Variants in DNAH6 observed in about 807,000 individuals in gnomAD.
DNAH6 encodes the protein axonemal beta dynein heavy chain 6.
DNAH6 carries 340 observed loss-of-function variants against 491.4 expected under a neutral mutation model. The observed-to-expected ratio is 0.69, with a 90% CI of 0.63 to 0.76. The LOEUF is 0.76. DNAH6 is among the 30% of genes least tolerant of loss of function. The probability of loss-of-function intolerance (pLI) is 0.00; values close to 1 mark genes in which losing one functional copy is unlikely to be tolerated. For missense variants in DNAH6, 4,443 were observed against 4,972.2 expected (o/e 0.89, Z 3.20); for synonymous variants, 1,603 against 1,686.1 (o/e 0.95, Z 1.21).
intron 64 of DNAH6, chr2:84,777,964 A>G: frequency 1.1e-6 from 1 of 949,676 alleles, no homozygotes; most frequent in Non-Finnish European, 1.7e-6. Context: ...ATGCCCAAGC[A>G]GTGATAATGA....
chr2:84,574,322 A>G (rs115876743), intron 12 of DNAH6, among the ~76,000 whole-genome samples: 98 of 152,144 alleles, frequency 6.4e-4, no homozygotes, highest in African/African-American at 2.3e-3. Flanking sequence ...ATTGTTTACT[A>G]TGCTGAAGTA....
intron 63 of DNAH6, among the ~76,000 whole-genome samples, chr2:84,755,693 T>C (rs1673941041): frequency 6.6e-6 from 1 of 152,218 alleles, no homozygotes; most frequent in East Asian, 1.9e-4. Flanking sequence ...GAATAGATGT[T>C]ATAAGAGCAG....
intron 11 of DNAH6, among the ~76,000 whole-genome samples, chr2:84,571,430 A>G (rs1681857267): frequency 6.6e-6 from 1 of 152,220 alleles, no homozygotes; most frequent in Non-Finnish European, 1.5e-5. Flanking sequence ...CAGTAATGAG[A>G]CAACAAATGC....
chr2:84,773,225 T>C (rs1306595309), intron 64 of DNAH6, among the ~76,000 whole-genome samples: 1 of 152,014 alleles, frequency 6.6e-6, no homozygotes, highest in African/African-American at 2.4e-5. Flanking sequence ...CTTCCTCCCC[T>C]ATCTGGTAGT....
chr2:84,794,201 T>A (rs1678075746), intron 68 of DNAH6, among the ~76,000 whole-genome samples: 1 of 152,162 alleles, frequency 6.6e-6, no homozygotes, highest in Non-Finnish European at 1.5e-5. Flanking sequence ...GACTTAAACG[T>A]TAGACCTAAA....
chr2:84,693,304 G>A (rs1308956703), intron 45 of DNAH6, among the ~76,000 whole-genome samples: 5 of 151,966 alleles, frequency 3.3e-5, no homozygotes, highest in South Asian at 2.1e-4. Context: ...AACTCTCCAC[G>A]GTACTCTATT....
intron 24 of DNAH6, among the ~76,000 whole-genome samples, chr2:84,620,245 C>T (rs1687264222): frequency 1.3e-5 from 2 of 152,176 alleles, no homozygotes; most frequent in African/African-American, 2.4e-5. Flanking sequence ...AAGTCCCATC[C>T]CTTAATCTCA....
At chr2:84,596,775 T>A (rs1369889908) in intron 18 of DNAH6, among the ~76,000 whole-genome samples, 1 of 152,220 alleles carries the variant, frequency 6.6e-6, no homozygotes, top group Non-Finnish European at 1.5e-5. Flanking sequence ...TTTTTCCCTT[T>A]AGCTTACAAT....
At chr2:84,695,979 T>C (rs1318496142) in intron 46 of DNAH6, among the ~76,000 whole-genome samples, 1 of 151,914 alleles carries the variant, frequency 6.6e-6, no homozygotes, top group African/African-American at 2.4e-5. Flanking sequence ...ACCATAAAAA[T>C]AAAAATGCAT....
At position 84,577,256 on chromosome 2, in the gene DNAH6, G is replaced by A. The variant is rs1682541417; in HGVS notation, c.1925-1G>A. 6.4e-7 allele frequency: 1 copy of A among 1,558,854 alleles called. No individual in the cohort carries two copies. Among genetic ancestry groups the A allele is most frequent in the East Asian group, 2.3e-5 (1 of 43,748 alleles). On this transcript the variant is annotated splice_acceptor_variant, in intron 12 of 76. Coordinates refer to ENST00000389394, the MANE Select transcript of DNAH6 (RefSeq NM_001370.2). LOFTEE classifies it high-confidence loss of function. ...TGCTTTATGTGAATTTTTTTATGTA[G>A]ATATTAACTTTTTTAGTGAACAACT...
chr2:84,580,130 G>A (rs1228541733), intron 14 of DNAH6, among the ~76,000 whole-genome samples: 2 of 152,136 alleles, frequency 1.3e-5, no homozygotes, highest in African/African-American at 4.8e-5. Flanking sequence ...TAATCTAGAT[G>A]TTAATCATAA....
chr2:84,813,241 A>G (rs543652184), intron 74 of DNAH6, 111 bp downstream of exon 74: 5 of 798,334 alleles, frequency 6.3e-6, no homozygotes, highest in South Asian at 3.1e-5. Flanking sequence ...CAATGAGGCT[A>G]TTGATCATAG....
chr2:84,460,515 C>A, the DNAH6 span, among the ~76,000 whole-genome samples: 1 of 152,114 alleles, frequency 6.6e-6, no homozygotes, highest in South Asian at 2.1e-4. Context: ...TGATAAAATG[C>A]ATGATGACAA....
intron 36 of DNAH6, among the ~76,000 whole-genome samples, 171 bp from the exon 37 acceptor site, chr2:84,658,855 T>C (rs979102156): frequency 2.0e-5 from 3 of 152,112 alleles, no homozygotes; most frequent in Non-Finnish European, 4.4e-5. Context: ...TGTATAACTA[T>C]AAGAAAACAC....
intron 37 of DNAH6, among the ~76,000 whole-genome samples, chr2:84,663,763 C>T (rs1425699918): frequency 6.6e-6 from 1 of 152,134 alleles, no homozygotes; most frequent in East Asian, 1.9e-4. Context: ...AAAGATACTC[C>T]TTGTGAAGAG....
At chr2:84,570,668 A>T (rs909571106) in intron 11 of DNAH6, among the ~76,000 whole-genome samples, 1 of 152,086 alleles carries the variant, frequency 6.6e-6, no homozygotes, top group Non-Finnish European at 1.5e-5. Context: ...AGCACTCTGT[A>T]AAATGGGCCC....
the DNAH6 span, among the ~76,000 whole-genome samples, chr2:84,465,072 A>C: frequency 6.6e-6 from 1 of 152,186 alleles, no homozygotes; most frequent in African/African-American, 2.4e-5. Context: ...TTCCTGCCTA[A>C]CTGTGAGGGT....
chr2:84,541,813 G>A (rs899176221), intron 4 of DNAH6, among the ~76,000 whole-genome samples: 4 of 152,104 alleles, frequency 2.6e-5, no homozygotes, highest in Non-Finnish European at 5.9e-5. Flanking sequence ...AAGTTTGGTG[G>A]TTCACAAACA....
rs946508250 is a variant in DNAH6 at position 84,607,024 on chromosome 2, C to T, written c.3223C>T (p.Arg1075Cys). The change falls in exon 21 of 77, where the codon CGT (arginine) becomes TGT (cysteine). Residue 1075 changes from arginine (R) to cysteine (C), a missense_variant. Around this residue, in one of 3 missense-constraint regions of DNAH6, gnomAD observed 2,977 missense variants for 3,296.6 expected, o/e 0.90. Coordinates refer to ENST00000389394, the MANE Select transcript of DNAH6 (RefSeq NM_001370.2). ...CAATGTTGCAACTCTTGCCTCATCA[C>T]GTTACCTTGGTCCACTGAAAACTCG... Reference protein sequence around the residue: ...TINVATLASSRYLGPLKTRVD... With the variant: ...TINVATLASSCYLGPLKTRVD... 3.9e-5 allele frequency: 60 copies of T among 1,551,260 alleles called. No homozygotes were observed. In the Admixed American group the frequency reaches 5.7e-4, roughly 15 times the overall value.
Sources: allele counts gnomAD v4.1 joint callset (sites outside exome capture counted in the v4.1 genomes callset), GRCh38; gene constraint gnomAD v4.1.1; regional missense constraint gnomAD v4.1.1; transcripts MANE v1.5; gene names NCBI Gene and HGNC (gene_info 2026-07-23, HGNC 2026-07-21).